Variants in PADI3 observed in about 807,000 individuals in gnomAD.
The protein encoded by PADI3 is peptidyl arginine deiminase 3, also known as protein-arginine deiminase type-3.
Under a neutral mutation model 71.5 loss-of-function variants are expected in PADI3, and 53 were observed. That is an observed-to-expected ratio of 0.74 (90% CI 0.59 to 0.93). The LOEUF is 0.93. PADI3 is among the 40% of genes least tolerant of loss of function. The pLI is 0.00. For missense variants in PADI3, 821 were observed against 868.0 expected, an observed-to-expected ratio of 0.95 and a Z score of 0.68; for synonymous variants, 361 against 347.5, an observed-to-expected ratio of 1.04 and a Z score of -0.43.
rs1557518374 is a variant in PADI3 at position 17,284,076 on chromosome 1, C to T, written c.*997C>T. The T allele has an allele frequency of 6.8e-6, 1 of 146,822 alleles. No homozygotes were observed. The highest frequency in any genetic ancestry group is 1.5e-5 in the Non-Finnish European group (1 of 67,326). 9.1% of individuals were successfully genotyped at this position (146,822 alleles called of 1,614,324 possible). The stretch of plus-strand genomic sequence containing the variant: ...GAGGGGGCTAAGGGGCTGGATCCAC[C>T]AAGGCAGCTCACAGCGGGAAAACTC... On this transcript the variant is annotated 3_prime_UTR_variant, in exon 16 of 16. Coordinates refer to ENST00000375460, the MANE Select transcript of PADI3 (RefSeq NM_016233.2).
In PADI3 at chr1:17,276,866, G is replaced by A. The variant is rs2073340551; in HGVS notation, c.1545G>A (p.Gln515=). ...KCGHGRALLF[Q]GVVDDEQVKT... ...GCCACGGGAGGGCCCTCCTGTTCCA[G>A]GGGGTTGTTGGTGGGTAACAGTGCC... The change falls in exon 13 of 16, where the codon CAG becomes CAA. Residue 515 remains glutamine (Q), a synonymous_variant. Transcript: ENST00000375460. 2 of 1,611,076 alleles carry A rather than the reference G, an allele frequency of 1.2e-6. No individual in the cohort carries two copies. Among genetic ancestry groups the A allele is most frequent in the Admixed American group, 1.7e-5 (1 of 59,422 alleles).
rs774349106 is a variant in PADI3, at chr1:17,249,193, G to A, written c.56G>A (p.Cys19Tyr). The A allele has an allele frequency of 6.2e-7, 1 of 1,614,210 alleles. No individual in the cohort carries two copies. The change falls in exon 1 of 16, where the codon TGT becomes TAT. Residue 19 changes from cysteine to tyrosine, a missense_variant. Transcript: ENST00000375460. ...VSLEHPTSAV[C>Y]VAGVETLVDI... ...CTGGAGCATCCCACCAGCGCGGTGT[G>A]TGTGGCTGGCGTGGAGACCCTCGTG...
In PADI3 at chr1:17,280,500, C is replaced by T; in HGVS notation, c.1635+71C>T. 3.4e-6 allele frequency: 5 copies of T among 1,491,486 alleles called. 1 individual carries two copies. In the South Asian group the frequency reaches 3.4e-5, roughly 10 times the overall value. The allele number at this position is 1,491,486 out of a possible 1,614,324, so 92.4% of individuals were successfully genotyped here. On this transcript the variant is annotated intron_variant, in intron 14 of 15. Transcript: ENST00000375460. Reference sequence around the variant, plus strand: ...CGGGGCTGGAGGCAAGGATGGGATACAGACATCTGAGGCTAACTGTTCATG... The same window carrying T: ...CGGGGCTGGAGGCAAGGATGGGATATAGACATCTGAGGCTAACTGTTCATG...
At chr1:17,255,347 G>A (rs2073014745) in intron 1 of PADI3, among the ~76,000 whole-genome samples, 5 of 152,292 alleles carry the variant, frequency 3.3e-5, no homozygotes, top group South Asian at 4.1e-4. Flanking sequence ...TGAGTTCTCC[G>A]GCTGGCTTGG....
intron 13 of PADI3, among the ~76,000 whole-genome samples, chr1:17,278,205 T>G (rs1278779842): frequency 1.3e-5 from 2 of 152,258 alleles, no homozygotes; most frequent in Non-Finnish European, 2.9e-5. Context: ...GGTACTCTTT[T>G]GTCTGCTCTT....
intron 15 of PADI3, among the ~76,000 whole-genome samples, chr1:17,281,007 C>A (rs1394183868): frequency 2.6e-5 from 4 of 152,214 alleles, no homozygotes; most frequent in Non-Finnish European, 4.4e-5. Flanking sequence ...CAAGCCCTGG[C>A]CCAAGGGGCA....
chr1:17,272,422 C>T (rs996153085), intron 9 of PADI3, among the ~76,000 whole-genome samples: 1 of 152,192 alleles, frequency 6.6e-6, no homozygotes, highest in Non-Finnish European at 1.5e-5. Context: ...GGTTTAGAGC[C>T]TGGCTGTGCC....
intron 13 of PADI3, 127 bp downstream of exon 13, chr1:17,277,003 C>G (rs980996120): frequency 1.4e-6 from 1 of 731,862 alleles, no homozygotes; most frequent in Admixed American, 2.9e-5. Context: ...CAGGGCTTCT[C>G]ACTCCTGCCC....
chr1:17,249,335 T>G, intron 1 of PADI3, 106 bp downstream of exon 1: 1 of 911,720 alleles, frequency 1.1e-6, no homozygotes, highest in South Asian at 1.3e-5. Context: ...TCCCCAGCCT[T>G]GGCCTCGGAA....
At position 17,276,645 on chromosome 1, in the gene PADI3, C is replaced by T. The variant is rs546789084; in HGVS notation, c.1434C>T (p.Val478=). The T allele has an allele frequency of 3.1e-6, 5 of 1,614,160 alleles. No individual in the cohort carries two copies. The African/African-American group carries it at 4.0e-5, about 13-fold the overall frequency. ...ATGTGGATGAGTTTCTGAGCTTTGT[C>T]CCTGCCCCCGATGGGAAGGTAAGAA... ...VGHVDEFLSF[V]PAPDGKGFRM... The change falls in exon 12 of 16, where the codon GTC becomes GTT. Residue 478 remains valine, a synonymous_variant. Transcript: ENST00000375460.
intron 3 of PADI3, 44 bp downstream of exon 3, chr1:17,262,249 GAA>G: frequency 8.9e-6 from 13 of 1,454,452 alleles, no homozygotes; most frequent in Non-Finnish European, 1.2e-5. Flanking sequence ...GGGCACATTT[GAA>G]AAATTCAAGC....
At chr1:17,253,012 T>C (rs112280142) in intron 1 of PADI3, among the ~76,000 whole-genome samples, 3,194 of 152,346 alleles carry the variant, frequency 0.021, 78 homozygotes, top group South Asian at 0.1. Flanking sequence ...TTGGGGAAAC[T>C]GAGGCCTGGA....
rs569048276 is a variant in PADI3 at position 17,266,797 on chromosome 1, G to A, written c.487G>A (p.Val163Ile). 65 of 1,614,174 alleles carry A rather than the reference G, an allele frequency of 4.0e-5. No homozygotes were observed. In the South Asian group the frequency reaches 6.3e-4, roughly 16 times the overall value. Residue 163 changes from valine (V) to isoleucine (I), a missense_variant, in exon 5 of 16, where the codon GTC (valine) becomes ATC (isoleucine). Transcript: ENST00000375460. ...TGACCGTGATGATCCGAGCTGTGATGTCCAGGACAATTGTGACCAGCACGT... is the reference window on the plus strand; with the variant it reads ...TGACCGTGATGATCCGAGCTGTGATATCCAGGACAATTGTGACCAGCACGT... The part of the protein sequence containing the change: ...NCDRDDPSCD[V>I]QDNCDQHVHC...
At chr1:17,262,061 C>G in intron 2 of PADI3, 72 bp from the exon 3 acceptor site, 2 of 1,353,170 alleles carry the variant, frequency 1.5e-6, no homozygotes, top group Non-Finnish European at 2.1e-6. Flanking sequence ...CTTACCAGAT[C>G]CCCGAGAGCT....
At chr1:17,256,300 C>T (rs1175665936) in intron 1 of PADI3, among the ~76,000 whole-genome samples, 2 of 152,236 alleles carry the variant, frequency 1.3e-5, no homozygotes, top group African/African-American at 4.8e-5. Context: ...CATTATCCCA[C>T]TTTAAGGTGA....
At chr1:17,279,287 C>T (rs553863572) in intron 13 of PADI3, among the ~76,000 whole-genome samples, 13 of 152,284 alleles carry the variant, frequency 8.5e-5, no homozygotes, top group African/African-American at 2.9e-4. Flanking sequence ...CACCTCAGTG[C>T]GCCAGGCCTC....
At position 17,259,684 on chromosome 1, in the gene PADI3, C is replaced by T. The variant is rs111914086; in HGVS notation, c.199C>T (p.Arg67Trp). ...GGGCCGGGAGCGTGCAGACACCAGG[C>T]GGTGGCGCTTTGACGCGACTTTGGA... is the stretch of plus-strand genomic sequence containing the variant. ...ERGRERADTR[R>W]WRFDATLEII... is the part of the protein sequence containing the mutation. The change falls in exon 2 of 16, where the codon CGG (arginine) becomes TGG (tryptophan). Residue 67 changes from arginine to tryptophan, a missense_variant. Arg to Trp is a moderately radical substitution (Grantham distance 101, BLOSUM62 -3). Coordinates refer to ENST00000375460, the MANE Select transcript of PADI3 (RefSeq NM_016233.2). 5.9e-5 allele frequency: 96 copies of T among 1,613,676 alleles called. 1 individual carries two copies. The Middle Eastern group carries it at 6.6e-4, about 11-fold the overall frequency.
rs2072934604 is a variant in PADI3, at chr1:17,249,185, C to T, written c.48C>T (p.Ser16=). ...IVRVSLEHPT[S]AVCVAGVETL... ...GTGTGTCCCTGGAGCATCCCACCAG[C>T]GCGGTGTGTGTGGCTGGCGTGGAGA... The change falls in exon 1 of 16, where the codon AGC becomes AGT. Residue 16 remains serine, a synonymous_variant. Coordinates refer to ENST00000375460, the MANE Select transcript of PADI3 (RefSeq NM_016233.2). 1 of 1,614,014 alleles carries T rather than the reference C, an allele frequency of 6.2e-7. No homozygotes were observed. The highest frequency in any genetic ancestry group is 1.1e-5 in the South Asian group (1 of 91,078).
At chr1:17,255,247 C>T (rs945095161) in intron 1 of PADI3, among the ~76,000 whole-genome samples, 2 of 152,324 alleles carry the variant, frequency 1.3e-5, no homozygotes, top group African/African-American at 2.4e-5. Flanking sequence ...CCAGGAACAG[C>T]CTTAGTCCCA....
Sources: allele counts gnomAD v4.1 joint callset (sites outside exome capture counted in the v4.1 genomes callset), GRCh38; gene constraint gnomAD v4.1.1; transcripts MANE v1.5; gene names NCBI Gene and HGNC (gene_info 2026-07-23, HGNC 2026-07-21).